The following OSTN variants were observed in gnomAD, a reference collection of about 807,000 sequenced individuals.
The protein encoded by OSTN is osteocrin.
In OSTN, 9 loss-of-function variants were observed where a neutral mutation model predicts 12.0. The observed-to-expected ratio is 0.75, with a 90% CI of 0.45 to 1.30. The LOEUF is 1.30. Ranked by LOEUF, OSTN falls within the 50% of genes most tolerant of loss-of-function variation. The pLI is 0.00. For synonymous variants in OSTN, 59 were observed against 56.9 expected (o/e 1.04, Z -0.16); for missense variants, 148 against 152.3 (o/e 0.97, Z 0.15).
rs546281246 is a variant in OSTN, at chr3:191,246,177, C to T, written c.318-3860C>T. On this transcript the variant is annotated intron_variant, in intron 3 of 4. Coordinates refer to ENST00000682035, the MANE Select transcript of OSTN (RefSeq NM_198184.2). ...GTGCAGGTATCATGTGACTGCTTTC[C>T]CCAGCCGCTATTTCCTTCCCTTTCT... Among the ~76,000 whole-genome samples the T allele has an allele frequency of 2.6e-5, 4 of 152,068 alleles. No individual in the cohort carries two copies. In the East Asian group the frequency reaches 7.7e-4, roughly 29 times the overall value.
rs563973330 is a variant in OSTN at position 191,215,204 on chromosome 3, C to G, written c.102+2570C>G. On this transcript the variant is annotated intron_variant, in intron 2 of 4. Coordinates refer to ENST00000682035, the MANE Select transcript of OSTN (RefSeq NM_198184.2). ...GAATTACCAAACATTTATAAAACCA[C>G]CAGATCTTGTGAGAACTCACTATCA... Among the ~76,000 whole-genome samples the G allele has an allele frequency of 7.2e-5, 11 of 152,236 alleles. No homozygotes were observed. In the East Asian group the frequency reaches 7.7e-4, roughly 11 times the overall value.
chr3:191,207,116 G>C (rs1305774309), intron 1 of OSTN, among the ~76,000 whole-genome samples: 3 of 152,262 alleles, frequency 2.0e-5, no homozygotes, highest in African/African-American at 7.2e-5. Context: ...GGTGAGAAGA[G>C]AAAGTAAAGA....
At chr3:191,255,417 C>T (rs1478081880) in intron 4 of OSTN, among the ~76,000 whole-genome samples, 2 of 152,168 alleles carry the variant, frequency 1.3e-5, no homozygotes, top group Non-Finnish European at 2.9e-5. Context: ...TTCCAAGAGG[C>T]TTTTTATTGG....
intron 1 of OSTN, among the ~76,000 whole-genome samples, chr3:191,204,851 G>A (rs1560111869): frequency 6.6e-6 from 1 of 152,092 alleles, no homozygotes; most frequent in South Asian, 2.1e-4. Context: ...AGTGACTGTT[G>A]GGTGTAAATT....
intron 3 of OSTN, among the ~76,000 whole-genome samples, chr3:191,241,166 A>ATT (rs1378328058): frequency 1.7e-4 from 8 of 48,330 alleles, no homozygotes; most frequent in Non-Finnish European, 3.4e-4. Context: ...CTGTGCCTTG[A>ATT]CTTTTTTTTT....
intron 4 of OSTN, among the ~76,000 whole-genome samples, chr3:191,254,380 G>A (rs1055995046): frequency 1.4e-4 from 22 of 152,352 alleles, no homozygotes; most frequent in African/African-American, 5.3e-4. Flanking sequence ...CAGCAGGCGT[G>A]AAGGTTGTTT....
In OSTN at chr3:191,229,733, C is replaced by G. The variant is rs538787098; in HGVS notation, c.317+10772C>G. ...AAATTAATGTATAGTTTAATAAGAA[C>G]TTTATGGGAACAAATAAAAGAGAAA... On this transcript the variant is annotated intron_variant, in intron 3 of 4. Coordinates refer to ENST00000682035, the MANE Select transcript of OSTN (RefSeq NM_198184.2). The G allele has an allele frequency of 8.5e-5, 13 of 152,176 alleles. No individual in the cohort carries two copies. In the East Asian group the frequency reaches 2.5e-3, roughly 29 times the overall value. 9.4% of individuals were successfully genotyped at this position (152,176 alleles called of 1,614,324 possible). A position where few individuals can be genotyped will look rare whatever the true frequency, so the allele number is the denominator to read the frequency against.
chr3:191,209,525 C>T (rs1369405561), intron 1 of OSTN, among the ~76,000 whole-genome samples: 2 of 152,180 alleles, frequency 1.3e-5, no homozygotes, highest in Non-Finnish European at 2.9e-5. Context: ...CTTCTAGTAA[C>T]TAGCATTATG....
intron 4 of OSTN, among the ~76,000 whole-genome samples, chr3:191,251,670 A>T (rs748693314): frequency 3.9e-5 from 6 of 152,230 alleles, no homozygotes; most frequent in Non-Finnish European, 7.3e-5. Flanking sequence ...GAACCTCTGC[A>T]GTTAATGAAT....
At chr3:191,236,504 G>A (rs529822025) in intron 3 of OSTN, among the ~76,000 whole-genome samples, 1 of 151,508 alleles carries the variant, frequency 6.6e-6, no homozygotes, top group South Asian at 2.1e-4. Context: ...GGAGGAATGC[G>A]TCCATTTTAG....
intron 3 of OSTN, among the ~76,000 whole-genome samples, chr3:191,229,379 T>C (rs1367299351): frequency 2.0e-5 from 3 of 152,196 alleles, no homozygotes; most frequent in Non-Finnish European, 4.4e-5. Context: ...AAATATGAAA[T>C]GGTACAGACC....
At chr3:191,226,901 C>A (rs889540566) in intron 3 of OSTN, among the ~76,000 whole-genome samples, 3 of 151,524 alleles carry the variant, frequency 2.0e-5, no homozygotes, top group Admixed American at 6.6e-5. Flanking sequence ...AATAGATGAC[C>A]CCACATAGGT....
chr3:191,212,727 A>ATTC, intron 2 of OSTN, 93 bp downstream of exon 2: 4 of 270,636 alleles, frequency 1.5e-5, no homozygotes, highest in Non-Finnish European at 1.9e-5. Flanking sequence ...ATTAAAATAT[A>ATTC]TTTCATATAC....
intron 1 of OSTN, among the ~76,000 whole-genome samples, chr3:191,201,551 G>A (rs1714153437): frequency 6.6e-6 from 1 of 152,110 alleles, no homozygotes; most frequent in South Asian, 2.1e-4. Flanking sequence ...CTTCAGTACA[G>A]CTGAGCTTTC....
chr3:191,255,979 T>C (rs867109483), intron 4 of OSTN, among the ~76,000 whole-genome samples: 7 of 152,236 alleles, frequency 4.6e-5, no homozygotes, highest in South Asian at 2.1e-4. Flanking sequence ...GTACTTTCCA[T>C]GAATTTCCAG....
chr3:191,227,912 C>T (rs1043149075), intron 3 of OSTN, among the ~76,000 whole-genome samples: 4 of 152,190 alleles, frequency 2.6e-5, no homozygotes, highest in African/African-American at 9.6e-5. Context: ...TTTTATTTAA[C>T]ACGTTCAACT....
chr3:191,246,067 C>CA (rs149962240), intron 3 of OSTN, among the ~76,000 whole-genome samples: 1,853 of 60,214 alleles, frequency 0.031, 56 homozygotes, highest in African/African-American at 0.081. Context: ...AACTCTGTCT[C>CA]AAAAAAAAAA....
chr3:191,239,578 T>C (rs539075880), intron 3 of OSTN, among the ~76,000 whole-genome samples: 74 of 152,362 alleles, frequency 4.9e-4, no homozygotes, highest in Middle Eastern at 6.8e-3. Flanking sequence ...GCTGACATTA[T>C]GCCTAATCAG....
intron 3 of OSTN, among the ~76,000 whole-genome samples, chr3:191,235,901 T>C (rs1715176795): frequency 6.6e-6 from 1 of 152,242 alleles, no homozygotes; most frequent in Non-Finnish European, 1.5e-5. Flanking sequence ...TCACAGCTTC[T>C]TGCCCTTTAG....
Sources: gnomAD v4.1 joint callset for allele counts (sites outside exome capture counted in the v4.1 genomes callset) on GRCh38, gnomAD v4.1.1 for gene constraint, MANE v1.5 for transcripts, NCBI Gene and HGNC (gene_info 2026-07-23, HGNC 2026-07-21) for gene names.